PTPRG: variants seen among roughly 807,000 people sequenced by gnomAD.
PTPRG encodes receptor-type tyrosine-protein phosphatase gamma.
PTPRG carries 102 observed loss-of-function variants against 165.3 expected under a neutral mutation model. The observed-to-expected ratio is 0.62, with a 90% confidence interval of 0.53 to 0.73. The LOEUF is 0.73. Ranked by LOEUF, PTPRG falls within the 30% of genes least tolerant of loss-of-function variation. The pLI, the probability that PTPRG is intolerant of heterozygous loss-of-function variation, is 0.00. For missense variants in PTPRG, 1,866 were observed against 1,861.4 expected (o/e 1.00, Z -0.05); for synonymous variants, 675 against 669.5 (o/e 1.01, Z -0.13).
chr3:62,271,539 G>C lies in PTPRG; in HGVS notation c.3166G>C (p.Val1056Leu), dbSNP rs758025953. ...SAARMPETGP[V>L]LVHCSAGVGR... ...AGCTCGGATGCCAGAAACGGGCCCT[G>C]TGTTGGTGCACTGCAGGTAGGGTCT... The change falls in exon 21 of 30, where the codon GTG (valine) becomes CTG (leucine). Residue 1056 changes from valine to leucine, a missense_variant. Coordinates refer to ENST00000474889, the MANE Select transcript of PTPRG (RefSeq NM_002841.4). This position sits in a 1 kb window ranked among gnomAD's most constrained non-coding sequence, Gnocchi z 4.1. 4 of 1,613,334 alleles carry C rather than the reference G, an allele frequency of 2.5e-6. No homozygotes were observed. The highest frequency in any genetic ancestry group is 2.7e-5 in the African/African-American group (2 of 74,896).
At chr3:61,743,742 T>C (rs1047921366) in intron 1 of PTPRG, among the ~76,000 whole-genome samples, 1 of 152,238 alleles carries the variant, frequency 6.6e-6, no homozygotes, top group Non-Finnish European at 1.5e-5. Flanking sequence ...AGAATATATG[T>C]GTGCATAACA....
intron 1 of PTPRG, among the ~76,000 whole-genome samples, chr3:61,600,747 C>T (rs943804228): frequency 2.0e-5 from 3 of 152,028 alleles, no homozygotes; most frequent in Non-Finnish European, 4.4e-5. Flanking sequence ...CCCAGTGTTG[C>T]CGAGGCTGGT....
intron 1 of PTPRG, among the ~76,000 whole-genome samples, chr3:61,565,517 A>G (rs1699889856): frequency 6.6e-6 from 1 of 152,134 alleles, no homozygotes; most frequent in South Asian, 2.1e-4. Context: ...CATATCTCCA[A>G]TCACTGGGAA....
intron 5 of PTPRG, among the ~76,000 whole-genome samples, chr3:62,126,086 A>G (rs912420389): frequency 6.6e-6 from 1 of 152,192 alleles, no homozygotes; most frequent in Non-Finnish European, 1.5e-5. Flanking sequence ...AATTGCATGT[A>G]TTGACAATCT....
intron 3 of PTPRG, among the ~76,000 whole-genome samples, chr3:62,001,420 A>G (rs556596978): frequency 6.6e-6 from 1 of 152,290 alleles, no homozygotes; most frequent in African/African-American, 2.4e-5. Flanking sequence ...AACAGATGCA[A>G]TCAAAACGTT....
At chr3:62,191,432 C>T (rs771208953) in intron 8 of PTPRG, 37 bp from the exon 9 acceptor site, 1 of 1,598,856 alleles carries the variant, frequency 6.3e-7, no homozygotes, top group Non-Finnish European at 8.5e-7. Context: ...GCGCATTGTT[C>T]TGAAAGCTCC....
intron 5 of PTPRG, among the ~76,000 whole-genome samples, chr3:62,101,868 G>A (rs4688285): frequency 0.68 from 104,076 of 151,994 alleles, 35,792 homozygotes; most frequent in Middle Eastern, 0.78. Flanking sequence ...CTCCCATCAA[G>A]TATGTAACTC....
intron 1 of PTPRG, among the ~76,000 whole-genome samples, chr3:61,635,763 T>C (rs995445623): frequency 6.6e-6 from 1 of 152,210 alleles, no homozygotes; most frequent in Non-Finnish European, 1.5e-5. Context: ...CCAGGTAGCC[T>C]ATCTCCACAT....
intron 2 of PTPRG, among the ~76,000 whole-genome samples, chr3:61,827,140 G>A (rs1321124543): frequency 6.6e-6 from 1 of 152,204 alleles, no homozygotes; most frequent in African/African-American, 2.4e-5. Flanking sequence ...AAGTGTGAAG[G>A]TGGAGCTACC....
rs186207859 is a variant in PTPRG at position 62,190,541 on chromosome 3, T to C, written c.1034-928T>C. ...TTAGATCCACCGTGTCCCTTAAACC[T>C]CTCAGCCCCAAGGAATAAGAAGATG... is the stretch of plus-strand genomic sequence containing the variant. On this transcript the variant is annotated intron_variant, in intron 8 of 29. Coordinates refer to ENST00000474889, the MANE Select transcript of PTPRG (RefSeq NM_002841.4). The surrounding 1 kb of genome is among the most constrained non-coding windows in gnomAD (Gnocchi z 5.2). Among the ~76,000 whole-genome samples, 277 of 152,206 alleles carry C rather than the reference T, an allele frequency of 1.8e-3. No individual in the cohort carries two copies. The highest frequency in any genetic ancestry group is 4.2e-3 in the Admixed American group (64 of 15,298).
chr3:62,056,693 G>T (rs574651756), intron 4 of PTPRG, among the ~76,000 whole-genome samples: 112 of 152,262 alleles, frequency 7.4e-4, no homozygotes, highest in Non-Finnish European at 9.8e-4. Context: ...AATGTTCCCA[G>T]ACATTACCAA....
chr3:61,791,879 C>T (rs1435460096), intron 2 of PTPRG, among the ~76,000 whole-genome samples: 3 of 152,300 alleles, frequency 2.0e-5, no homozygotes, highest in African/African-American at 7.2e-5. Context: ...TCCTTTCTTG[C>T]CTTCAGAGGT....
Position 62,277,632 on chromosome 3 carries a change from G to A in PTPRG, c.3718G>A (p.Asp1240Asn). 1 of 1,612,786 alleles carries A rather than the reference G, an allele frequency of 6.2e-7. No homozygotes were observed. The highest frequency in any genetic ancestry group is 8.5e-7 in the Non-Finnish European group (1 of 1,179,344). Reference sequence around the variant, plus strand: ...GAAAGATTTCTGGCGAATGATTTGGGATCATAACGCACAGATCATTGTCAT... The same window carrying A: ...GAAAGATTTCTGGCGAATGATTTGGAATCATAACGCACAGATCATTGTCAT... The part of the protein sequence containing the change: ...TTKDFWRMIW[D>N]HNAQIIVMLP... Residue 1240 changes from aspartate (D) to asparagine (N), a missense_variant, in exon 26 of 30, where the codon GAT becomes AAT. Asp to Asn is a conservative substitution (Grantham distance 23). Coordinates refer to ENST00000474889, the MANE Select transcript of PTPRG (RefSeq NM_002841.4).
intron 13 of PTPRG, among the ~76,000 whole-genome samples, chr3:62,223,329 T>C (rs982859043): frequency 2.6e-5 from 4 of 152,248 alleles, no homozygotes; most frequent in African/African-American, 9.6e-5. Flanking sequence ...TGTTTATCTG[T>C]GCAGCTGTGG....
intron 1 of PTPRG, among the ~76,000 whole-genome samples, chr3:61,579,297 T>C (rs1700231242): frequency 1.3e-5 from 2 of 152,174 alleles, no homozygotes; most frequent in Non-Finnish European, 1.5e-5. Context: ...TGTCCCTTCA[T>C]GGGGTCTGGG....
At chr3:62,265,924 C>CACACACACACACACACACACA (rs757211700) in intron 17 of PTPRG, among the ~76,000 whole-genome samples, 5 of 151,396 alleles carry the variant, frequency 3.3e-5, no homozygotes, top group African/African-American at 9.7e-5. Flanking sequence ...CACACACACA[C>CACACACACACACACACACACA]ACCATTCTCT....
At chr3:61,789,094 CT>C (rs1376193160) in intron 2 of PTPRG, among the ~76,000 whole-genome samples, 6 of 152,026 alleles carry the variant, frequency 3.9e-5, no homozygotes, top group South Asian at 2.1e-4. Flanking sequence ...TCCTCCTTTT[CT>C]TTTCTTTTTT....
intron 5 of PTPRG, among the ~76,000 whole-genome samples, chr3:62,084,528 T>G (rs1245470488): frequency 1.3e-5 from 2 of 152,224 alleles, no homozygotes; most frequent in African/African-American, 4.8e-5. Context: ...AACCCATTCT[T>G]TATATCATGT....
chr3:62,192,327 C>A (rs997852651), intron 9 of PTPRG, among the ~76,000 whole-genome samples: 11 of 151,260 alleles, frequency 7.3e-5, no homozygotes, highest in African/African-American at 2.7e-4. Flanking sequence ...AACACACAAG[C>A]CCCTTCAGAA....
Sources: allele counts gnomAD v4.1 joint callset (sites outside exome capture counted in the v4.1 genomes callset), GRCh38; gene constraint gnomAD v4.1.1; non-coding constraint Gnocchi (gnomAD v3.1); transcripts MANE v1.5; gene names NCBI Gene and HGNC (gene_info 2026-07-23, HGNC 2026-07-21).